STAU2: variants seen among roughly 807,000 people sequenced by gnomAD.
The protein encoded by STAU2 is staufen double-stranded RNA binding protein 2.
In STAU2, 20 loss-of-function variants were observed where a neutral mutation model predicts 65.9. The observed-to-expected ratio is 0.30, with a 90% CI of 0.21 to 0.44. STAU2 has a LOEUF of 0.44. Ranked by LOEUF, STAU2 falls within the 20% of genes least tolerant of loss-of-function variation. The pLI, the probability that STAU2 is intolerant of heterozygous loss-of-function variation, is 1.00. For missense variants in STAU2, 558 were observed against 683.9 expected (o/e 0.82, Z 2.05); for synonymous variants, 232 against 233.9 (o/e 0.99, Z 0.07).
At chr8:73,631,409 C>T (rs1421890924) in intron 6 of STAU2, among the ~76,000 whole-genome samples, 3 of 148,648 alleles carry the variant, frequency 2.0e-5, no homozygotes, top group African/African-American at 7.4e-5. Context: ...AAAAAATGAA[C>T]ACCAATGCAG....
At chr8:73,635,969 A>G (rs961279102) in intron 6 of STAU2, among the ~76,000 whole-genome samples, 5 of 149,730 alleles carry the variant, frequency 3.3e-5, no homozygotes, top group African/African-American at 7.5e-5. Context: ...ACCAATTCAA[A>G]GAAATTTAGC....
At chr8:73,523,979 T>C (rs1211627764) in intron 13 of STAU2, among the ~76,000 whole-genome samples, 1 of 152,086 alleles carries the variant, frequency 6.6e-6, no homozygotes, top group Non-Finnish European at 1.5e-5. Flanking sequence ...CCCAGGAGGC[T>C]GAGGCTACAA....
intron 4 of STAU2, among the ~76,000 whole-genome samples, chr8:73,706,202 T>C (rs1260405019): frequency 6.6e-6 from 1 of 152,060 alleles, no homozygotes; most frequent in African/African-American, 2.4e-5. Context: ...CTGCAACCTC[T>C]ACCTCCCAGG....
intron 13 of STAU2, among the ~76,000 whole-genome samples, chr8:73,490,377 T>C (rs1014713342): frequency 2.0e-5 from 3 of 152,012 alleles, no homozygotes; most frequent in Admixed American, 6.6e-5. Context: ...GGCTGTATAA[T>C]GGGTTGATCT....
chr8:73,674,996 T>C (rs559346333), intron 5 of STAU2, among the ~76,000 whole-genome samples: 6 of 151,658 alleles, frequency 4.0e-5, no homozygotes, highest in Non-Finnish European at 5.9e-5. Context: ...AAAATGCACA[T>C]TGTATTCATC....
rs574335416 is a variant in STAU2, at chr8:73,584,641, G to C, written c.1162-1811C>G. On this transcript the variant is annotated intron_variant, in intron 11 of 14. Coordinates refer to ENST00000524300, the MANE Select transcript of STAU2 (RefSeq NM_001164380.2). ...CCTTTGTACTGCCATTATCAGGAGA[G>C]AAAAAAGAAGCTAAAGAAAGGAATG... Among the ~76,000 whole-genome samples, 47 of 152,076 alleles carry C rather than the reference G, an allele frequency of 3.1e-4. No homozygotes were observed. In the South Asian group the frequency reaches 9.1e-3, roughly 30 times the overall value.
intron 13 of STAU2, among the ~76,000 whole-genome samples, chr8:73,513,250 C>T (rs1481933998): frequency 2.0e-5 from 3 of 152,072 alleles, no homozygotes; most frequent in Non-Finnish European, 2.9e-5. Context: ...CATGGTGCAT[C>T]GCTGCTTATC....
intron 6 of STAU2, among the ~76,000 whole-genome samples, chr8:73,654,845 C>T (rs113453581): frequency 0.014 from 2,182 of 151,488 alleles, 49 homozygotes; most frequent in African/African-American, 0.049. Flanking sequence ...CGCCACCATG[C>T]CCGGCTAATT....
intron 13 of STAU2, among the ~76,000 whole-genome samples, chr8:73,526,223 G>A (rs533844265): frequency 6.6e-6 from 1 of 152,220 alleles, no homozygotes; most frequent in African/African-American, 2.4e-5. Flanking sequence ...AACATAACCA[G>A]GAAACAGAGT....
chr8:73,605,308 T>C (rs1250475361), intron 9 of STAU2, among the ~76,000 whole-genome samples: 1 of 114,104 alleles, frequency 8.8e-6, no homozygotes, highest in African/African-American at 3.9e-5. Flanking sequence ...GCTTTTTTCC[T>C]TTTTTTTTTT....
chr8:73,625,316 A>G (rs1813554518), intron 6 of STAU2, among the ~76,000 whole-genome samples: 1 of 152,204 alleles, frequency 6.6e-6, no homozygotes, highest in Non-Finnish European at 1.5e-5. Context: ...AATAACCCAA[A>G]TGTCCCGATG....
At chr8:73,690,088 G>A (rs1819218700) in intron 4 of STAU2, among the ~76,000 whole-genome samples, 1 of 151,912 alleles carries the variant, frequency 6.6e-6, no homozygotes, top group South Asian at 2.1e-4. Flanking sequence ...CAGCACTTTG[G>A]GAGGCTGAGA....
chr8:73,441,745 A>G (rs1243164309), intron 13 of STAU2, among the ~76,000 whole-genome samples: 1 of 152,222 alleles, frequency 6.6e-6, no homozygotes, highest in African/African-American at 2.4e-5. Context: ...GAAACCCAGA[A>G]CTAACGATTG....
chr8:73,663,448 T>C (rs913495045), intron 6 of STAU2, among the ~76,000 whole-genome samples: 11 of 152,172 alleles, frequency 7.2e-5, no homozygotes, highest in African/African-American at 2.4e-4. Flanking sequence ...CATATATCTG[T>C]CCCTATGTTA....
intron 13 of STAU2, among the ~76,000 whole-genome samples, chr8:73,429,244 T>C (rs958195508): frequency 7.2e-5 from 11 of 152,100 alleles, no homozygotes; most frequent in African/African-American, 2.2e-4. Flanking sequence ...GCCATTGTCA[T>C]GGGACTGGCC....
intron 13 of STAU2, among the ~76,000 whole-genome samples, chr8:73,547,970 T>C (rs1807055946): frequency 6.7e-6 from 1 of 150,098 alleles, no homozygotes; most frequent in African/African-American, 2.4e-5. Context: ...TTACATTATA[T>C]TAGGTATTAT....
chr8:73,576,344 G>A (rs999635571), intron 12 of STAU2, among the ~76,000 whole-genome samples: 2 of 152,058 alleles, frequency 1.3e-5, no homozygotes, highest in Non-Finnish European at 1.5e-5. Context: ...AATCTTAAGT[G>A]GGGGGCGGGA....
chr8:73,580,478 C>T (rs1362486363), intron 12 of STAU2, among the ~76,000 whole-genome samples: 1 of 152,176 alleles, frequency 6.6e-6, no homozygotes, highest in Admixed American at 6.6e-5. Flanking sequence ...CCACAAGATC[C>T]CTGCTCTAAC....
intron 13 of STAU2, chr8:73,551,758 A>G: frequency 8.8e-7 from 1 of 1,142,834 alleles, no homozygotes; most frequent in East Asian, 4.3e-5. Flanking sequence ...AAGAATATGA[A>G]AAATGCTTAA....
Sources: gnomAD v4.1 joint callset for allele counts (sites outside exome capture counted in the v4.1 genomes callset) on GRCh38, gnomAD v4.1.1 for gene constraint, MANE v1.5 for transcripts, NCBI Gene and HGNC (gene_info 2026-07-23, HGNC 2026-07-21) for gene names.